The following GON4L variants were observed in gnomAD, a reference collection of about 807,000 sequenced individuals.
GON4L encodes the protein gon-4 like.
Under a neutral mutation model 211.8 loss-of-function variants are expected in GON4L, and 87 were observed. The observed-to-expected ratio is 0.41, with a 90% confidence interval of 0.35 to 0.49. The LOEUF (loss-of-function observed/expected upper bound fraction) is 0.49, where lower values mean the gene tolerates loss of function less well. Ranked by LOEUF, GON4L falls within the 20% of genes least tolerant of loss-of-function variation. GON4L has a pLI of 0.15. For synonymous variants in GON4L, 875 were observed against 962.6 expected (o/e 0.91, Z 1.68); for missense variants, 2,155 against 2,659.5 (o/e 0.81, Z 4.17).
At chr1:155,798,883 C>T (rs1666358730) in intron 11 of GON4L, among the ~76,000 whole-genome samples, 1 of 152,086 alleles carries the variant, frequency 6.6e-6, no homozygotes, top group African/African-American at 2.4e-5. Context: ...ATTCTCAGAG[C>T]ACTCATTTAA....
At chr1:155,745,388 G>A (rs1660218047), downstream of GON4L, among the ~76,000 whole-genome samples, 1 of 152,372 alleles carries the variant, frequency 6.6e-6, no homozygotes, top group African/African-American at 2.4e-5. Context: ...CTGAAGAGAT[G>A]AGGGGGCATG....
At chr1:155,747,962 T>C (rs773695515), downstream of GON4L, 1 of 1,574,176 alleles carries the variant, frequency 6.4e-7, no homozygotes, top group Non-Finnish European at 8.7e-7. Context: ...GCAAACTGGT[T>C]TTTTTCTTTA....
intron 10 of GON4L, among the ~76,000 whole-genome samples, chr1:155,805,991 T>C (rs1195606268): frequency 6.9e-6 from 1 of 144,706 alleles, no homozygotes; most frequent in Non-Finnish European, 1.5e-5. Context: ...GCCTGGTGTT[T>C]TTTTTTTTTT....
chr1:155,765,644 C>G lies in GON4L; in HGVS notation c.3829G>C (p.Glu1277Gln). The G allele has an allele frequency of 1.2e-6, 2 of 1,614,212 alleles. No homozygotes were observed. Among genetic ancestry groups the G allele is most frequent in the Non-Finnish European group, 1.7e-6 (2 of 1,180,030 alleles). Residue 1277 changes from glutamate (E) to glutamine (Q), a missense_variant, in exon 21 of 32, where the codon GAG becomes CAG. Glu to Gln is a conservative substitution (Grantham distance 29). Transcript: ENST00000368331. The part of the protein sequence containing the change: ...HSPGPPLADA[E>Q]CQEGLSENSA... ...TTCTCTGACAATCCTTCTTGGCACT[C>G]TGCATCTGCTAGTGGAGGCCCTGGG... is the stretch of plus-strand genomic sequence containing the variant.
chr1:155,811,249 C>G (rs376375649), intron 10 of GON4L, among the ~76,000 whole-genome samples: 3 of 150,346 alleles, frequency 2.0e-5, no homozygotes, highest in South Asian at 2.1e-4. Flanking sequence ...AAAAATTAGC[C>G]GCGCATGGTG....
intron 12 of GON4L, among the ~76,000 whole-genome samples, chr1:155,794,028 G>A (rs923230646): frequency 2.6e-5 from 4 of 151,954 alleles, no homozygotes; most frequent in African/African-American, 9.7e-5. Flanking sequence ...TTAAATCAAA[G>A]TGATCTTTCT....
chr1:155,856,647 T>C (rs540634237), intron 1 of GON4L, among the ~76,000 whole-genome samples: 11 of 148,622 alleles, frequency 7.4e-5, no homozygotes, highest in Non-Finnish European at 1.3e-4. Context: ...CAATAAAACA[T>C]GAAGATTTCG....
chr1:155,772,236 G>A (rs914716955), intron 18 of GON4L, among the ~76,000 whole-genome samples: 3 of 151,980 alleles, frequency 2.0e-5, no homozygotes, highest in Non-Finnish European at 4.4e-5. Flanking sequence ...AGATCATGAT[G>A]AGCTGTATCA....
At chr1:155,852,223 A>C (rs1377327691) in intron 2 of GON4L, among the ~76,000 whole-genome samples, 3 of 150,260 alleles carry the variant, frequency 2.0e-5, no homozygotes. Flanking sequence ...CAACCATGTC[A>C]CCATCCTTTT....
intron 3 of GON4L, among the ~76,000 whole-genome samples, chr1:155,825,383 G>A (rs190242837): frequency 6.6e-6 from 1 of 151,576 alleles, no homozygotes; most frequent in Non-Finnish European, 1.5e-5. Context: ...GACCAGCCTG[G>A]CCAACATGGT....
chr1:155,837,991 C>T (rs1670463104), intron 2 of GON4L, among the ~76,000 whole-genome samples: 1 of 152,132 alleles, frequency 6.6e-6, no homozygotes, highest in South Asian at 2.1e-4. Context: ...AGACTGGGTG[C>T]TGTCGCTCAC....
chr1:155,787,937 C>A (rs2101931895), intron 12 of GON4L, among the ~76,000 whole-genome samples: 1 of 152,250 alleles, frequency 6.6e-6, no homozygotes, highest in Non-Finnish European at 1.5e-5. Flanking sequence ...GAGTGAGACT[C>A]TGTCTCAAAC....
chr1:155,748,890 C>T, downstream of GON4L: 2 of 1,116,610 alleles, frequency 1.8e-6, no homozygotes, highest in Non-Finnish European at 2.6e-6. Flanking sequence ...CCTCCCCACC[C>T]CTTAAAAAGG....
Position 155,760,404 on chromosome 1 carries a change from C to A in GON4L, c.5109+40G>T, listed in dbSNP as rs557569444. ...CCATTCAATCCCAGTCTCACTCTGA[C>A]CCAGGAGTCCCAGTGTACTTTTTTT... On this transcript the variant is annotated intron_variant, in intron 24 of 31. Coordinates refer to ENST00000368331, the MANE Select transcript of GON4L (RefSeq NM_001282860.2). 9.4e-6 allele frequency: 12 copies of A among 1,281,302 alleles called. No homozygotes were observed. The African/African-American group carries it at 1.5e-4, about 16-fold the overall frequency. 79.4% of individuals were successfully genotyped at this position (1,281,302 alleles called of 1,614,324 possible). A position where few individuals can be genotyped will look rare whatever the true frequency, so the allele number is the denominator to read the frequency against.
At chr1:155,823,373 T>C (rs1362035285) in intron 3 of GON4L, among the ~76,000 whole-genome samples, 1 of 152,170 alleles carries the variant, frequency 6.6e-6, no homozygotes. Flanking sequence ...TGAAATTCAA[T>C]ATATGAAAAA....
chr1:155,795,446 C>T (rs889255591), intron 11 of GON4L, among the ~76,000 whole-genome samples: 6 of 152,138 alleles, frequency 3.9e-5, no homozygotes, highest in African/African-American at 1.4e-4. Context: ...GCTACTTGTA[C>T]AGTGAAGCTG....
At chr1:155,831,081 T>C (rs1669715974) in intron 2 of GON4L, among the ~76,000 whole-genome samples, 1 of 152,096 alleles carries the variant, frequency 6.6e-6, no homozygotes, top group Non-Finnish European at 1.5e-5. Flanking sequence ...GACAGGTCAC[T>C]TGAGCTCAGG....
In GON4L at chr1:155,749,915, C is replaced by T; in HGVS notation, c.*669G>A. 6.5e-6 allele frequency: 10 copies of T among 1,528,600 alleles called. No homozygotes were observed. Among genetic ancestry groups the T allele is most frequent in the Non-Finnish European group, 8.8e-6 (10 of 1,140,616 alleles). The allele number at this position is 1,528,600 out of a possible 1,614,324, so 94.7% of individuals were successfully genotyped here. On this transcript the variant is annotated 3_prime_UTR_variant, in exon 32 of 32. Coordinates refer to ENST00000368331, the MANE Select transcript of GON4L (RefSeq NM_001282860.2). Reference sequence around the variant, plus strand: ...ATCTACAGGTCTCTGTTTCCTCTCCCTCCACAGCAGTGGAGAGCATCCCAG... The same window carrying T: ...ATCTACAGGTCTCTGTTTCCTCTCCTTCCACAGCAGTGGAGAGCATCCCAG...
intron 12 of GON4L, among the ~76,000 whole-genome samples, chr1:155,786,036 C>A (rs879730489): frequency 6.6e-6 from 1 of 151,976 alleles, no homozygotes. Flanking sequence ...GCAGGGCTTG[C>A]AGTGAGCCAA....
Sources: gnomAD v4.1 joint callset for allele counts (sites outside exome capture counted in the v4.1 genomes callset) on GRCh38, gnomAD v4.1.1 for gene constraint, MANE v1.5 for transcripts, NCBI Gene and HGNC (gene_info 2026-07-23, HGNC 2026-07-21) for gene names.